Variants in SLC1A1 observed in about 807,000 individuals in gnomAD.
SLC1A1 encodes the protein solute carrier family 1 member 1, also known as excitatory amino acid transporter 3.
SLC1A1 carries 43 observed loss-of-function variants against 53.3 expected under a neutral mutation model. That is an observed-to-expected ratio of 0.81 (90% CI 0.63 to 1.04). The LOEUF (loss-of-function observed/expected upper bound fraction) is 1.04, where lower values mean the gene tolerates loss of function less well. Ranked by LOEUF, SLC1A1 falls within the 50% of genes least tolerant of loss-of-function variation. SLC1A1 has a pLI of 0.00. For synonymous variants in SLC1A1, 307 were observed against 243.2 expected, an observed-to-expected ratio of 1.26 and a Z score of -2.44; for missense variants, 748 against 664.9, an observed-to-expected ratio of 1.12 and a Z score of -1.37.
chr9:4,528,193 A>C (rs1816332502), intron 1 of SLC1A1, among the ~76,000 whole-genome samples: 1 of 152,152 alleles, frequency 6.6e-6, no homozygotes, highest in South Asian at 2.1e-4. Context: ...ACAAGACACA[A>C]AACTGTACAG....
Position 4,561,430 on chromosome 9 carries a change from A to G in SLC1A1, c.233-19A>G. 6.9e-7 allele frequency: 1 copy of G among 1,455,592 alleles called. No individual in the cohort carries two copies. The highest frequency in any genetic ancestry group is 9.7e-7 in the Non-Finnish European group (1 of 1,035,402). 90.2% of individuals were successfully genotyped at this position (1,455,592 alleles called of 1,614,324 possible). On this transcript the variant is annotated intron_variant, in intron 2 of 11. Transcript: ENST00000262352. ...TGTCTTTTAAAATTAATGTAATTTGATTTCTGTCTCCCCTTCAGGTGTTGC... is the reference window on the plus strand; with the variant it reads ...TGTCTTTTAAAATTAATGTAATTTGGTTTCTGTCTCCCCTTCAGGTGTTGC...
rs532072171 is a variant in SLC1A1 at position 4,510,938 on chromosome 9, AG to A, written c.91+20171del. ...AGTTAGAAGGTATGCTGTTCACTGC[AG>A]GGACAAGGGATACTGTCCCTTAGCA... On this transcript the variant is annotated intron_variant, in intron 1 of 11. Transcript: ENST00000262352. 4.6e-5 allele frequency among the ~76,000 whole-genome samples: 7 copies of A among 152,348 alleles called. No homozygotes were observed. In the East Asian group the frequency reaches 1.2e-3, roughly 25 times the overall value.
rs1273722575 is a variant in SLC1A1, at chr9:4,556,372, T to C, written c.233-5077T>C. On this transcript the variant is annotated intron_variant, in intron 2 of 11. Coordinates refer to ENST00000262352, the MANE Select transcript of SLC1A1 (RefSeq NM_004170.6). The surrounding 1 kb of genome is among the most constrained non-coding windows in gnomAD (Gnocchi z 4.1). ...AAATAAAGTTACTGTCCAATTACTA[T>C]AAACATTTTAAATACTCACTGTTGA... Among the ~76,000 whole-genome samples, 1 of 152,212 alleles carries C rather than the reference T, an allele frequency of 6.6e-6. No individual in the cohort carries two copies. The highest frequency in any genetic ancestry group is 1.5e-5 in the Non-Finnish European group (1 of 68,042).
In SLC1A1 at chr9:4,544,705, C is replaced by T; in HGVS notation, c.230C>T (p.Thr77Ile). Residue 77 changes from threonine to isoleucine, a missense_variant and splice_region_variant, in exon 2 of 12, where the codon ACA becomes ATA. Thr to Ile is a moderately conservative substitution (Grantham distance 89). Transcript: ENST00000262352. Reference protein sequence around the residue: ...ILPLIISSMITGVAALDSNVS... With the variant: ...ILPLIISSMIIGVAALDSNVS... ...CCATTAATTATATCCAGCATGATTA[C>T]AGGTACCTTGAGAAAACAGATGTTC... 1 of 1,612,278 alleles carries T rather than the reference C, an allele frequency of 6.2e-7. No individual in the cohort carries two copies. The highest frequency in any genetic ancestry group is 8.5e-7 in the Non-Finnish European group (1 of 1,178,514).
chr9:4,516,957 T>C (rs1821180882), intron 1 of SLC1A1, among the ~76,000 whole-genome samples: 1 of 152,202 alleles, frequency 6.6e-6, no homozygotes, highest in Non-Finnish European at 1.5e-5. Context: ...TTATCACCTC[T>C]TTATGGAAGA....
chr9:4,531,500 G>C, intron 1 of SLC1A1, among the ~76,000 whole-genome samples: 1 of 152,204 alleles, frequency 6.6e-6, no homozygotes, highest in Non-Finnish European at 1.5e-5. Flanking sequence ...GCAGCAGCGA[G>C]ACTGGGGGAG....
At chr9:4,498,226 G>A (rs1207448017) in intron 1 of SLC1A1, among the ~76,000 whole-genome samples, 1 of 152,172 alleles carries the variant, frequency 6.6e-6, no homozygotes, top group Non-Finnish European at 1.5e-5. Flanking sequence ...CCTAGACATT[G>A]AGTCAACTGT....
chr9:4,528,209 C>T (rs1403155332), intron 1 of SLC1A1, among the ~76,000 whole-genome samples: 3 of 152,126 alleles, frequency 2.0e-5, no homozygotes, highest in Non-Finnish European at 4.4e-5. Flanking sequence ...TACAGCCCAC[C>T]TCCCCTTCTC....
rs917598419 is a variant in SLC1A1, at chr9:4,490,520, C to A, written c.-160C>A. On this transcript the variant is annotated 5_prime_UTR_variant, in exon 1 of 12. Coordinates refer to ENST00000262352, the MANE Select transcript of SLC1A1 (RefSeq NM_004170.6). ...GGGCGCGGTGCGCGATCCCGGGTGG[C>A]GGCGGCAACGGCGGTGGTGACGGCG... 4.7e-6 allele frequency: 2 copies of A among 426,558 alleles called. No homozygotes were observed. The highest frequency in any genetic ancestry group is 4.1e-6 in the Non-Finnish European group (1 of 242,910). 26.4% of individuals were successfully genotyped at this position (426,558 alleles called of 1,614,324 possible). A position where few individuals can be genotyped will look rare whatever the true frequency, so the allele number is the denominator to read the frequency against.
intron 2 of SLC1A1, among the ~76,000 whole-genome samples, chr9:4,547,929 C>A (rs1817619212): frequency 2.0e-5 from 3 of 151,992 alleles, no homozygotes; most frequent in Admixed American, 2.0e-4. Flanking sequence ...AATAAAATTA[C>A]ACAACAGGAT....
chr9:4,559,684 C>CCTTA (rs1166002530), intron 2 of SLC1A1: 2 of 152,110 alleles, frequency 1.3e-5, no homozygotes, highest in African/African-American at 4.8e-5. Context: ...CTACCCTGTA[C>CCTTA]CTTAGGCTTT....
chr9:4,574,485 A>C (rs368211437), intron 8 of SLC1A1, among the ~76,000 whole-genome samples: 1 of 152,178 alleles, frequency 6.6e-6, no homozygotes, highest in Non-Finnish European at 1.5e-5. Context: ...TGGGGCTGTT[A>C]ACCACCACCA....
At chr9:4,496,999 C>G (rs1463400292) in intron 1 of SLC1A1, among the ~76,000 whole-genome samples, 1 of 152,042 alleles carries the variant, frequency 6.6e-6, no homozygotes, top group Non-Finnish European at 1.5e-5. Flanking sequence ...ATGGAGGGAC[C>G]TAGTTGGGGA....
intron 1 of SLC1A1, 148 bp from the exon 2 acceptor site, chr9:4,544,417 TCA>T (rs1358493634): frequency 1.5e-5 from 11 of 713,458 alleles, no homozygotes; most frequent in African/African-American, 1.4e-4. Flanking sequence ...AAATATAATT[TCA>T]GTCTAGATTT....
Position 4,490,786 on chromosome 9 carries a change from G to C in SLC1A1, c.91+16G>C. Reference sequence around the variant, plus strand: ...GTGGTGCTAGGTGAGCGGCGCGGCGGGTGGGCGATGCGCGCACCCTCACGC... The same window carrying C: ...GTGGTGCTAGGTGAGCGGCGCGGCGCGTGGGCGATGCGCGCACCCTCACGC... On this transcript the variant is annotated intron_variant, in intron 1 of 11. Coordinates refer to ENST00000262352, the MANE Select transcript of SLC1A1 (RefSeq NM_004170.6). The C allele has an allele frequency of 6.2e-7, 1 of 1,602,800 alleles. No individual in the cohort carries two copies. The highest frequency in any genetic ancestry group is 8.5e-7 in the Non-Finnish European group (1 of 1,171,144).
chr9:4,542,399 G>T (rs555610115), intron 1 of SLC1A1, among the ~76,000 whole-genome samples: 24 of 152,112 alleles, frequency 1.6e-4, no homozygotes, highest in Non-Finnish European at 3.2e-4. Context: ...CTGAAAAATA[G>T]CAAGTACATA....
chr9:4,553,162 T>A (rs1414881045), intron 2 of SLC1A1, among the ~76,000 whole-genome samples: 3 of 152,110 alleles, frequency 2.0e-5, no homozygotes, highest in Non-Finnish European at 2.9e-5. Flanking sequence ...TCATATGGAC[T>A]TTGGAAAAGA....
At chr9:4,545,611 A>G (rs1297745524) in intron 2 of SLC1A1, among the ~76,000 whole-genome samples, 1 of 152,182 alleles carries the variant, frequency 6.6e-6, no homozygotes, top group Non-Finnish European at 1.5e-5. Flanking sequence ...AGAACTTGCT[A>G]TGTGTCTGCC....
intron 6 of SLC1A1, among the ~76,000 whole-genome samples, chr9:4,568,417 C>CA (rs761098688): frequency 0.027 from 2,896 of 105,714 alleles, 85 homozygotes; most frequent in African/African-American, 0.081. Context: ...GACCCTGTCT[C>CA]AAAAAAAAAA....
Sources: allele counts gnomAD v4.1 joint callset (sites outside exome capture counted in the v4.1 genomes callset), GRCh38; gene constraint gnomAD v4.1.1; non-coding constraint Gnocchi (gnomAD v3.1); transcripts MANE v1.5; gene names NCBI Gene and HGNC (gene_info 2026-07-23, HGNC 2026-07-21).